Variants in CELF2 observed in about 807,000 individuals in gnomAD.
CELF2 encodes CUGBP Elav-like family member 2, also known as CUG triplet repeat RNA-binding protein 2.
A neutral mutation model predicts 62.6 loss-of-function variants in CELF2; 8 were observed. The observed-to-expected ratio is 0.13, with a 90% CI of 0.07 to 0.23. The LOEUF is 0.23. Among genes scored for constraint, CELF2 ranks in the 10% least tolerant of loss-of-function variants. The pLI is 1.00. For synonymous variants in CELF2, 258 were observed against 250.0 expected, an observed-to-expected ratio of 1.03 and a Z score of -0.30; for missense variants, 333 against 671.0, an observed-to-expected ratio of 0.50 and a Z score of 5.56.
the CELF2 span, among the ~76,000 whole-genome samples, chr10:10,645,551 G>A: frequency 1.4e-4 from 22 of 152,330 alleles, no homozygotes; most frequent in African/African-American, 5.1e-4. Flanking sequence ...CTACTCAGGA[G>A]GCTGAGGCAG....
chr10:11,127,054 G>T (rs563213018), intron 1 of CELF2, among the ~76,000 whole-genome samples: 1 of 151,826 alleles, frequency 6.6e-6, no homozygotes, highest in African/African-American at 2.4e-5. Flanking sequence ...CCAGCCCCCC[G>T]CCTCATGACA....
intron 1 of CELF2, among the ~76,000 whole-genome samples, chr10:10,918,950 C>G (rs1236185767): frequency 2.6e-5 from 4 of 152,116 alleles, no homozygotes; most frequent in Admixed American, 2.0e-4. Context: ...GTTCCCTTCT[C>G]GTTCCAAGAA....
chr10:10,479,252 T>A, the CELF2 span, among the ~76,000 whole-genome samples: 1 of 152,174 alleles, frequency 6.6e-6, no homozygotes. Context: ...CACTGCAACC[T>A]CTGACTCTCA....
At chr10:11,252,674 A>G (rs2077496676) in intron 4 of CELF2, among the ~76,000 whole-genome samples, 1 of 152,128 alleles carries the variant, frequency 6.6e-6, no homozygotes, top group South Asian at 2.1e-4. Context: ...TGCCCTTTCC[A>G]TTGGCTCTGA....
In CELF2 at chr10:11,296,307, ACT is replaced by A. The variant is rs931620210; in HGVS notation, c.976+7758_976+7759del. 2.0e-5 allele frequency among the ~76,000 whole-genome samples: 3 copies of A among 151,964 alleles called. No individual in the cohort carries two copies. The highest frequency in any genetic ancestry group is 2.0e-4 in the Admixed American group (3 of 15,266). ...TTTGTTTTTAAATATTGCTTTGCAC[ACT>A]CTTCTGTATTGTGGCAAATCCACAT... On this transcript the variant is annotated intron_variant, in intron 9 of 12. Transcript: ENST00000633077. This position sits in a 1 kb window ranked among gnomAD's most constrained non-coding sequence, Gnocchi z 5.0.
chr10:11,050,804 G>A (rs559860739), intron 1 of CELF2, among the ~76,000 whole-genome samples: 45 of 152,154 alleles, frequency 3.0e-4, no homozygotes, highest in Non-Finnish European at 6.0e-4. Flanking sequence ...ATACCCAGGG[G>A]CTGCCCTTCC....
At chr10:11,168,535 C>T (rs571763435) in intron 2 of CELF2, among the ~76,000 whole-genome samples, 2 of 152,292 alleles carry the variant, frequency 1.3e-5, no homozygotes, top group East Asian at 1.9e-4. Flanking sequence ...TACTTTGATT[C>T]AGACTTTGTC....
In CELF2 at chr10:11,302,137, C is replaced by G. The variant is rs1358409428; in HGVS notation, c.977-12002C>G. 6.6e-6 allele frequency among the ~76,000 whole-genome samples: 1 copy of G among 152,226 alleles called. No homozygotes were observed. The highest frequency in any genetic ancestry group is 1.5e-5 in the Non-Finnish European group (1 of 68,038). On this transcript the variant is annotated intron_variant, in intron 9 of 12. Coordinates refer to ENST00000633077, the MANE Select transcript of CELF2 (RefSeq NM_001326342.2). This position sits in a 1 kb window ranked among gnomAD's most constrained non-coding sequence, Gnocchi z 5.0. Reference sequence around the variant, plus strand: ...AAGAACAGAACCGTAACTTACCACTCTCACCTAGTTTTTGACTCTGGGTTC... The same window carrying G: ...AAGAACAGAACCGTAACTTACCACTGTCACCTAGTTTTTGACTCTGGGTTC...
chr10:10,780,761 G>A, the CELF2 span, among the ~76,000 whole-genome samples: 2 of 152,346 alleles, frequency 1.3e-5, no homozygotes, highest in African/African-American at 4.8e-5. Flanking sequence ...TTACAGGCAT[G>A]AGCCACTGCG....
the CELF2 span, among the ~76,000 whole-genome samples, chr10:10,546,973 G>A: frequency 6.6e-6 from 1 of 152,160 alleles, no homozygotes; most frequent in Non-Finnish European, 1.5e-5. Flanking sequence ...TGGGCATGGT[G>A]GCATGCGCCT....
chr10:10,625,770 C>T, the CELF2 span, among the ~76,000 whole-genome samples: 1 of 152,222 alleles, frequency 6.6e-6, no homozygotes. Flanking sequence ...GCAAAGGGCA[C>T]AAGGGCCCCG....
chr10:10,922,494 T>A (rs1310521018), intron 2 of CELF2, among the ~76,000 whole-genome samples: 2 of 152,206 alleles, frequency 1.3e-5, no homozygotes. Context: ...ATCACACAGA[T>A]GAAAATGATT....
chr10:11,217,673 C>G lies in CELF2; in HGVS notation c.354+166C>G, dbSNP rs2063683334. ...CAGCAGCCACACCAGCTGGCCAGCCCATAAAGGAGCGCTGGCATTAACACT... is the reference window on the plus strand; with the variant it reads ...CAGCAGCCACACCAGCTGGCCAGCCGATAAAGGAGCGCTGGCATTAACACT... On this transcript the variant is annotated intron_variant, in intron 3 of 12. Transcript: ENST00000633077. This position sits in a 1 kb window ranked among gnomAD's most constrained non-coding sequence, Gnocchi z 5.6. Among the ~76,000 whole-genome samples the G allele has an allele frequency of 6.6e-6, 1 of 152,110 alleles. No homozygotes were observed. Among genetic ancestry groups the G allele is most frequent in the South Asian group, 2.1e-4 (1 of 4,818 alleles).
At chr10:11,038,683 T>A (rs978398682) in intron 1 of CELF2, among the ~76,000 whole-genome samples, 1 of 152,222 alleles carries the variant, frequency 6.6e-6, no homozygotes, top group Non-Finnish European at 1.5e-5. Context: ...ACATTACACA[T>A]ATATATTTAT....
Position 11,243,338 on chromosome 10 carries a change from G to A in CELF2, c.355-5815G>A, listed in dbSNP as rs2765977. On this transcript the variant is annotated intron_variant, in intron 3 of 12. Transcript: ENST00000633077. This position sits in a 1 kb window ranked among gnomAD's most constrained non-coding sequence, Gnocchi z 4.1. ...AAGTTAACCATGTACCTTAACGTGC[G>A]GCTTTAGGCAAAATGTTATTCAAAA... is the stretch of plus-strand genomic sequence containing the variant. 0.34 allele frequency among the ~76,000 whole-genome samples: 50,945 copies of A among 149,444 alleles called. 8,882 individuals are homozygous for A. The highest frequency in any genetic ancestry group is 0.4 in the Middle Eastern group (113 of 284).
chr10:10,956,074 G>T (rs1354788048), intron 2 of CELF2, among the ~76,000 whole-genome samples: 10 of 152,180 alleles, frequency 6.6e-5, no homozygotes, highest in Non-Finnish European at 1.5e-4. Flanking sequence ...GAGTCCATTT[G>T]CCCTGGCTTT....
chr10:10,736,761 C>T, the CELF2 span, among the ~76,000 whole-genome samples: 1 of 151,906 alleles, frequency 6.6e-6, no homozygotes, highest in Admixed American at 6.6e-5. Context: ...GACTCAGATA[C>T]CAAGAGGTTT....
At position 10,993,128 on chromosome 10, in the gene CELF2, G is replaced by A. The variant is rs986513559; in HGVS notation, c.89+73129G>A. On this transcript the variant is annotated intron_variant, in intron 2 of 13. Transcript: ENST00000636488. This position sits in a 1 kb window ranked among gnomAD's most constrained non-coding sequence, Gnocchi z 5.3. Reference sequence around the variant, plus strand: ...GCAGGGCCAGCTGCTGTTTCCCACCGAAGAGGCGAGTCAGCAGATCAGTAA... The same window carrying A: ...GCAGGGCCAGCTGCTGTTTCCCACCAAAGAGGCGAGTCAGCAGATCAGTAA... Among the ~76,000 whole-genome samples, 9 of 152,092 alleles carry A rather than the reference G, an allele frequency of 5.9e-5. No homozygotes were observed. The highest frequency in any genetic ancestry group is 2.1e-4 in the South Asian group (1 of 4,810).
chr10:10,573,270 T>A, the CELF2 span, among the ~76,000 whole-genome samples: 2 of 152,206 alleles, frequency 1.3e-5, no homozygotes, highest in African/African-American at 4.8e-5. Context: ...GTCAGATGGA[T>A]AGATTGTAAA....
Sources: gnomAD v4.1 joint callset for allele counts (sites outside exome capture counted in the v4.1 genomes callset) on GRCh38, gnomAD v4.1.1 for gene constraint, Gnocchi (gnomAD v3.1) non-coding constraint, MANE v1.5 for transcripts, NCBI Gene and HGNC (gene_info 2026-07-23, HGNC 2026-07-21) for gene names.